PACS1: variants seen among roughly 807,000 people sequenced by gnomAD.
The protein encoded by PACS1 is PACS-1.
In PACS1, 24 loss-of-function variants were observed where a neutral mutation model predicts 115.0. The ratio of observed to expected loss-of-function variants is 0.21; its 90% CI spans 0.15 to 0.29. The LOEUF (loss-of-function observed/expected upper bound fraction) is 0.29. PACS1 is among the 10% of genes least tolerant of loss of function. The pLI, the probability that PACS1 is intolerant of heterozygous loss-of-function variation, is 1.00. For synonymous variants in PACS1, 453 were observed against 504.5 expected (o/e 0.90, Z 1.37); for missense variants, 838 against 1,251.2 (o/e 0.67, Z 4.98).
intron 1 of PACS1, among the ~76,000 whole-genome samples, chr11:66,086,571 C>T (rs1324479020): frequency 6.6e-6 from 1 of 152,220 alleles, no homozygotes; most frequent in Non-Finnish European, 1.5e-5. Flanking sequence ...TGTACATGCA[C>T]AGGCTACTTC....
chr11:66,162,649 G>C (rs573724359), intron 1 of PACS1, among the ~76,000 whole-genome samples: 5 of 152,334 alleles, frequency 3.3e-5, no homozygotes, highest in Admixed American at 3.3e-4. Flanking sequence ...AGAGCTATGA[G>C]AGAATAAATT....
rs79173081 is a variant in PACS1, at chr11:66,215,966, G to A, written c.661-153G>A. 1.3e-4 allele frequency among the ~76,000 whole-genome samples: 19 copies of A among 150,924 alleles called. No individual in the cohort carries two copies. In the East Asian group the frequency reaches 3.5e-3, roughly 28 times the overall value. On this transcript the variant is annotated intron_variant, in intron 4 of 23. Transcript: ENST00000320580. ...TAATAATAATAAACAAAGTAAGACC[G>A]TGAAGCAGTAGGACAGTAGGCATGG...
chr11:66,134,254 C>CTTTTTTTTTTTTTTTTTTTTTT lies in PACS1; in HGVS notation c.357-59228_357-59207dup. ...TAAATTTCTTTTTCTTTTTCTTTTT[C>CTTTTTTTTTTTTTTTTTTTTTT]TTTTTTTTTTTTTTTTTTTTTTTTT... On this transcript the variant is annotated intron_variant, in intron 1 of 23. Transcript: ENST00000320580. Among the ~76,000 whole-genome samples, 67 of 75,068 alleles carry CTTTTTTTTTTTTTTTTTTTTTT rather than the reference C, an allele frequency of 8.9e-4. 4 individuals carry two copies. Among genetic ancestry groups the CTTTTTTTTTTTTTTTTTTTTTT allele is most frequent in the Non-Finnish European group, 1.0e-3 (45 of 43,562 alleles). The allele number at this position is 75,068 out of a possible 152,430, so 49.2% of individuals were successfully genotyped here. A position where few individuals can be genotyped will look rare whatever the true frequency, so the allele number is the denominator to read the frequency against.
chr11:66,153,652 G>A (rs1859293663), intron 1 of PACS1, among the ~76,000 whole-genome samples: 1 of 152,128 alleles, frequency 6.6e-6, no homozygotes, highest in Non-Finnish European at 1.5e-5. Context: ...ATGGTGGTGG[G>A]CACCTGTAGT....
At chr11:66,201,487 A>G (rs1380815395) in intron 2 of PACS1, among the ~76,000 whole-genome samples, 1 of 152,178 alleles carries the variant, frequency 6.6e-6, no homozygotes, top group Admixed American at 6.6e-5. Context: ...AAGTGCCTAC[A>G]TCAAAAAAGA....
rs1215797073 is a variant in PACS1 at position 66,232,383 on chromosome 11, A to G, written c.1731+107A>G. 3 of 660,466 alleles carry G rather than the reference A, an allele frequency of 4.5e-6. No individual in the cohort carries two copies. In the Admixed American group the frequency reaches 7.1e-5, roughly 16 times the overall value. The allele number at this position is 660,466 out of a possible 1,614,324, so 40.9% of individuals were successfully genotyped here. On this transcript the variant is annotated intron_variant, in intron 14 of 23. Coordinates refer to ENST00000320580, the MANE Select transcript of PACS1 (RefSeq NM_018026.4). ...TATTGCGTGGGGAGGTGGGGAACTC[A>G]CCCCTCCATCAGCCCCCACCTGCTC...
chr11:66,162,112 GTTTTTTTTT>G (rs58980906), intron 1 of PACS1, among the ~76,000 whole-genome samples: 1 of 56,320 alleles, frequency 1.8e-5, no homozygotes, highest in African/African-American at 7.1e-5. Context: ...GGTGGTGGTG[GTTTTTTTTT>G]TTTTTTTTTT....
At position 66,070,700 on chromosome 11, in the gene PACS1, A is replaced by T; in HGVS notation, c.214A>T (p.Thr72Ser). Residue 72 changes from threonine to serine, a missense_variant, in exon 1 of 24, where the codon ACC (threonine) becomes TCC (serine). Thr to Ser is a moderately conservative substitution (Grantham distance 58). Transcript: ENST00000320580. This position sits in a 1 kb window ranked among gnomAD's most constrained non-coding sequence, Gnocchi z 5.9. The part of the protein sequence containing the change: ...AAAASSSSSS[T>S]STSMAVAVAS... ...GGCTGCCTCCTCCTCGTCCTCGTCT[A>T]CCTCCACCTCCATGGCCGTGGCGGT... 1.3e-6 allele frequency: 2 copies of T among 1,578,140 alleles called. No individual in the cohort carries two copies. Among genetic ancestry groups the T allele is most frequent in the Non-Finnish European group, 1.7e-6 (2 of 1,170,072 alleles).
intron 1 of PACS1, among the ~76,000 whole-genome samples, chr11:66,137,029 C>CT (rs899588530): frequency 2.0e-5 from 3 of 149,124 alleles, no homozygotes; most frequent in Non-Finnish European, 3.0e-5. Flanking sequence ...ATTGCCCCCC[C>CT]CCCCACCATT....
chr11:66,204,039 T>C lies in PACS1; in HGVS notation c.445-6323T>C, dbSNP rs139642012. Among the ~76,000 whole-genome samples the C allele has an allele frequency of 4.9e-3, 743 of 152,146 alleles. 8 individuals carry two copies. Among genetic ancestry groups the C allele is most frequent in the African/African-American group, 0.015 (612 of 41,516 alleles). On this transcript the variant is annotated intron_variant, in intron 2 of 23. Coordinates refer to ENST00000320580, the MANE Select transcript of PACS1 (RefSeq NM_018026.4). ...CTGGCACTGGCAACCAAAGCAAAAATGGACAAATGGGATCACATCAAGTTA... is the reference window on the plus strand; with the variant it reads ...CTGGCACTGGCAACCAAAGCAAAAACGGACAAATGGGATCACATCAAGTTA...
chr11:66,201,820 G>T (rs553750755), intron 2 of PACS1, among the ~76,000 whole-genome samples: 1 of 151,814 alleles, frequency 6.6e-6, no homozygotes, highest in Non-Finnish European at 1.5e-5. Context: ...CCACCATCGC[G>T]GCTAATTTTT....
chr11:66,232,993 C>T lies in PACS1; in HGVS notation c.1765C>T (p.Pro589Ser). The T allele has an allele frequency of 6.2e-7, 1 of 1,612,904 alleles. No individual in the cohort carries two copies. Among genetic ancestry groups the T allele is most frequent in the African/African-American group, 1.3e-5 (1 of 75,048 alleles). The change falls in exon 15 of 24, where the codon CCT becomes TCT. Residue 589 changes from proline to serine, a missense_variant. Coordinates refer to ENST00000320580, the MANE Select transcript of PACS1 (RefSeq NM_018026.4). ...VAELLQDQRK[P>S]VVCTCSTVEV... ...TGAGCTGCTCCAGGACCAGCGGAAG[C>T]CTGTGGTGTGCACCTGCTCCACCGT...
chr11:66,114,430 A>T (rs1373790127), intron 1 of PACS1, among the ~76,000 whole-genome samples: 1 of 151,490 alleles, frequency 6.6e-6, no homozygotes, highest in Non-Finnish European at 1.5e-5. Context: ...AAAAAAAAAA[A>T]AAAGTACCTT....
chr11:66,104,333 G>A (rs74727934), intron 1 of PACS1, among the ~76,000 whole-genome samples: 3,614 of 152,250 alleles, frequency 0.024, 161 homozygotes, highest in African/African-American at 0.082. Context: ...CAGCACGTGT[G>A]TCTTCCTTCT....
chr11:66,098,116 T>G (rs1476314732), intron 1 of PACS1, among the ~76,000 whole-genome samples: 1 of 152,174 alleles, frequency 6.6e-6, no homozygotes, highest in Non-Finnish European at 1.5e-5. Flanking sequence ...GATGGAAGTT[T>G]CAGTGAGCCC....
chr11:66,143,547 A>G (rs993534176), intron 1 of PACS1, among the ~76,000 whole-genome samples: 5 of 152,166 alleles, frequency 3.3e-5, no homozygotes, highest in African/African-American at 4.8e-5. Context: ...ACTAACCCCC[A>G]GGAAGAAATG....
chr11:66,219,821 C>G lies in PACS1; in HGVS notation c.1038+16C>G. ...TTCAGATGAGGTATGGCCTCTTACT[C>G]CCAAGGTTAATGGTGAGTAGAATTC... On this transcript the variant is annotated intron_variant, in intron 8 of 23. Coordinates refer to ENST00000320580, the MANE Select transcript of PACS1 (RefSeq NM_018026.4). The G allele has an allele frequency of 1.3e-6, 2 of 1,588,072 alleles. No homozygotes were observed. Among genetic ancestry groups the G allele is most frequent in the Non-Finnish European group, 1.7e-6 (2 of 1,156,288 alleles).
At chr11:66,178,099 G>A (rs1295514208) in intron 1 of PACS1, among the ~76,000 whole-genome samples, 1 of 148,882 alleles carries the variant, frequency 6.7e-6, no homozygotes, top group East Asian at 1.9e-4. Context: ...AGATATATAG[G>A]AATATTTAGT....
chr11:66,119,321 T>A (rs997497751), intron 1 of PACS1, among the ~76,000 whole-genome samples: 1 of 152,232 alleles, frequency 6.6e-6, no homozygotes, highest in Non-Finnish European at 1.5e-5. Flanking sequence ...TAAACCTCAC[T>A]GGAACACAGC....
Sources: gnomAD v4.1 joint callset for allele counts (sites outside exome capture counted in the v4.1 genomes callset) on GRCh38, gnomAD v4.1.1 for gene constraint, Gnocchi (gnomAD v3.1) non-coding constraint, MANE v1.5 for transcripts, NCBI Gene and HGNC (gene_info 2026-07-23, HGNC 2026-07-21) for gene names.